Variants in CAMK2D observed in about 807,000 individuals in gnomAD.
The protein encoded by CAMK2D is calcium/calmodulin-dependent protein kinase type II subunit delta.
In CAMK2D, 37 loss-of-function variants were observed where a neutral mutation model predicts 84.0. The observed-to-expected ratio is 0.44, with a 90% CI of 0.34 to 0.58. The LOEUF (loss-of-function observed/expected upper bound fraction) is 0.58, where lower values mean the gene tolerates loss of function less well. Among genes scored for constraint, CAMK2D ranks in the 20% least tolerant of loss-of-function variants. The pLI is 0.02. For synonymous variants in CAMK2D, 202 were observed against 212.5 expected, an observed-to-expected ratio of 0.95 and a Z score of 0.43; for missense variants, 448 against 652.5, an observed-to-expected ratio of 0.69 and a Z score of 3.41.
chr4:113,618,646 C>T (rs188468852), intron 3 of CAMK2D, among the ~76,000 whole-genome samples: 183 of 152,142 alleles, frequency 1.2e-3, no homozygotes, highest in African/African-American at 3.9e-3. Flanking sequence ...TAACATTTGC[C>T]TCTATATATC....
At chr4:113,455,430 C>A (rs989656683) in intron 20 of CAMK2D, among the ~76,000 whole-genome samples, 1 of 152,074 alleles carries the variant, frequency 6.6e-6, no homozygotes, top group African/African-American at 2.4e-5. Flanking sequence ...TCTGAACTGA[C>A]CCAGACATAA....
intron 3 of CAMK2D, among the ~76,000 whole-genome samples, chr4:113,660,107 C>T (rs2099222496): frequency 6.6e-6 from 1 of 152,154 alleles, no homozygotes; most frequent in South Asian, 2.1e-4. Flanking sequence ...TTTGCAAATT[C>T]TACATCACTG....
intron 6 of CAMK2D, among the ~76,000 whole-genome samples, chr4:113,540,376 G>C (rs746843813): frequency 6.6e-6 from 1 of 152,124 alleles, no homozygotes; most frequent in Non-Finnish European, 1.5e-5. Flanking sequence ...CCACTATTTT[G>C]ATTTTCTATT....
chr4:113,751,757 G>A (rs999354962), intron 2 of CAMK2D, among the ~76,000 whole-genome samples: 10 of 152,008 alleles, frequency 6.6e-5, no homozygotes, highest in East Asian at 3.9e-4. Flanking sequence ...GCGACAGAGC[G>A]AGACTCTGTC....
intron 13 of CAMK2D, among the ~76,000 whole-genome samples, chr4:113,508,769 A>AT (rs1233080136): frequency 1.3e-5 from 2 of 152,184 alleles, no homozygotes; most frequent in African/African-American, 4.8e-5. Flanking sequence ...GTGACAAATG[A>AT]TTTTCTATGT....
At chr4:113,552,688 C>T (rs932603290) in intron 4 of CAMK2D, among the ~76,000 whole-genome samples, 2 of 152,118 alleles carry the variant, frequency 1.3e-5, no homozygotes, top group Non-Finnish European at 2.9e-5. Flanking sequence ...CGTAACATAG[C>T]AATTAATAGA....
chr4:113,502,400 CAACAACAAT>C lies in CAMK2D; in HGVS notation c.1086+527_1086+535del, dbSNP rs1404465670. ...AATTCATGCCAAACAACAACAACAA[CAACAACAAT>C]AACAACAATAACAACATCATCACCA... On this transcript the variant is annotated intron_variant, in intron 15 of 20. Transcript: ENST00000511664. 1.8e-3 allele frequency among the ~76,000 whole-genome samples: 252 copies of C among 143,512 alleles called. 3 individuals are homozygous for C. The highest frequency in any genetic ancestry group is 7.7e-4 in the Admixed American group (11 of 14,236). The allele number at this position is 143,512 out of a possible 152,430, so 94.1% of individuals were successfully genotyped here. A position where few individuals can be genotyped will look rare whatever the true frequency, so the allele number is the denominator to read the frequency against.
intron 6 of CAMK2D, among the ~76,000 whole-genome samples, chr4:113,539,868 G>C (rs2154189633): frequency 6.6e-6 from 1 of 152,136 alleles, no homozygotes; most frequent in South Asian, 2.1e-4. Context: ...AAATTAGGAT[G>C]ATTACTAAAA....
At chr4:113,523,389 C>CT (rs199760388) in intron 8 of CAMK2D, among the ~76,000 whole-genome samples, 48 of 147,294 alleles carry the variant, frequency 3.3e-4, no homozygotes, top group Admixed American at 6.8e-4. Flanking sequence ...CTCAGTGAAT[C>CT]TTTTTTTTTT....
At chr4:113,697,366 G>T (rs187829665) in intron 2 of CAMK2D, among the ~76,000 whole-genome samples, 8 of 152,244 alleles carry the variant, frequency 5.3e-5, no homozygotes, top group African/African-American at 1.7e-4. Flanking sequence ...GATGCAGTTT[G>T]TTGGAAAAGT....
chr4:113,694,541 G>A (rs1296421662), intron 2 of CAMK2D, among the ~76,000 whole-genome samples: 5 of 152,146 alleles, frequency 3.3e-5, no homozygotes. Flanking sequence ...ACTAACTTTA[G>A]TGAGAAGTGG....
intron 6 of CAMK2D, among the ~76,000 whole-genome samples, chr4:113,539,580 T>C (rs369453631): frequency 6.6e-6 from 1 of 152,240 alleles, no homozygotes; most frequent in Non-Finnish European, 1.5e-5. Context: ...CTTAGAGTTT[T>C]ATCATGCATA....
At chr4:113,613,448 G>T (rs895615952) in intron 3 of CAMK2D, among the ~76,000 whole-genome samples, 3 of 152,002 alleles carry the variant, frequency 2.0e-5, no homozygotes, top group Admixed American at 6.6e-5. Flanking sequence ...AAATTCAAAA[G>T]AGAAGAAATA....
At chr4:113,601,866 T>C (rs1166949189) in intron 4 of CAMK2D, among the ~76,000 whole-genome samples, 2 of 151,862 alleles carry the variant, frequency 1.3e-5, no homozygotes, top group East Asian at 3.9e-4. Flanking sequence ...GACTGATTTT[T>C]AAAACTTTTT....
chr4:113,710,853 GCTC>G (rs2099490096), intron 2 of CAMK2D, among the ~76,000 whole-genome samples: 2 of 152,222 alleles, frequency 1.3e-5, no homozygotes, highest in African/African-American at 4.8e-5. Flanking sequence ...GCTTTAATAA[GCTC>G]TCAAGTATCT....
intron 2 of CAMK2D, chr4:113,754,418 G>A: frequency 1.0e-6 from 1 of 959,410 alleles, no homozygotes; most frequent in South Asian, 4.8e-5. Context: ...AAGATTTCTA[G>A]TAATTCGTGA....
At chr4:113,548,745 G>C in intron 5 of CAMK2D, 1 of 1,379,074 alleles carries the variant, frequency 7.3e-7, no homozygotes, top group Non-Finnish European at 1.0e-6. Flanking sequence ...AAGATACAAG[G>C]GCAGAATGGA....
chr4:113,748,534 T>C (rs1394291832), intron 2 of CAMK2D, among the ~76,000 whole-genome samples: 1 of 152,050 alleles, frequency 6.6e-6, no homozygotes, highest in African/African-American at 2.4e-5. Context: ...GTGCCAGTCA[T>C]CATAGCAAAA....
intron 8 of CAMK2D, among the ~76,000 whole-genome samples, chr4:113,529,815 A>G (rs2098446180): frequency 6.6e-6 from 1 of 152,180 alleles, no homozygotes; most frequent in Non-Finnish European, 1.5e-5. Context: ...GCCAAGTATC[A>G]TGGGCAAACA....
Sources: allele counts gnomAD v4.1 joint callset (sites outside exome capture counted in the v4.1 genomes callset), GRCh38; gene constraint gnomAD v4.1.1; transcripts MANE v1.5; gene names NCBI Gene and HGNC (gene_info 2026-07-23, HGNC 2026-07-21).